Variants in C1QTNF7 observed in about 807,000 individuals in gnomAD.
C1QTNF7 encodes C1q and TNF related 7.
C1QTNF7 carries 15 observed loss-of-function variants against 19.6 expected under a neutral mutation model. The ratio of observed to expected loss-of-function variants is 0.76; its 90% confidence interval spans 0.51 to 1.18. C1QTNF7 has a LOEUF of 1.18. Ranked by LOEUF, C1QTNF7 falls within the 50% of genes most tolerant of loss-of-function variation. C1QTNF7 has a pLI of 0.00. For synonymous variants in C1QTNF7, 142 were observed against 137.5 expected (o/e 1.03, Z -0.23); for missense variants, 324 against 359.7 (o/e 0.90, Z 0.80).
At chr4:15,373,078 C>T (rs1419330597) in intron 1 of C1QTNF7, among the ~76,000 whole-genome samples, 1 of 152,128 alleles carries the variant, frequency 6.6e-6, no homozygotes, top group Admixed American at 6.5e-5. Context: ...AACAAAATAC[C>T]ACAGACTAAG....
intron 1 of C1QTNF7, among the ~76,000 whole-genome samples, chr4:15,432,682 A>G (rs1209443298): frequency 2.0e-5 from 3 of 152,238 alleles, no homozygotes; most frequent in Admixed American, 2.0e-4. Context: ...GGCGTGAGCC[A>G]TCGTGCCCAG....
intron 1 of C1QTNF7, among the ~76,000 whole-genome samples, chr4:15,415,826 G>T (rs1322037750): frequency 6.6e-6 from 1 of 151,980 alleles, no homozygotes; most frequent in Non-Finnish European, 1.5e-5. Context: ...TTTCCCTTAA[G>T]CAATATGATA....
chr4:15,350,227 G>A (rs1157366280), intron 1 of C1QTNF7, among the ~76,000 whole-genome samples: 1 of 131,022 alleles, frequency 7.6e-6, no homozygotes, highest in Non-Finnish European at 1.6e-5. Context: ...GGGAAGGAAG[G>A]AGGAAAGAAG....
intron 1 of C1QTNF7, among the ~76,000 whole-genome samples, chr4:15,365,454 A>G (rs2109302168): frequency 6.6e-6 from 1 of 152,320 alleles, no homozygotes; most frequent in South Asian, 2.1e-4. Flanking sequence ...AAAGAAGTTG[A>G]ATATTGGTGA....
At chr4:15,402,329 A>T (rs915997271) in intron 1 of C1QTNF7, among the ~76,000 whole-genome samples, 1 of 152,234 alleles carries the variant, frequency 6.6e-6, no homozygotes, top group Non-Finnish European at 1.5e-5. Context: ...ACATGTAAGA[A>T]TTCAAGGACT....
chr4:15,433,502 A>C (rs376915521), intron 1 of C1QTNF7, among the ~76,000 whole-genome samples: 2 of 152,316 alleles, frequency 1.3e-5, no homozygotes, highest in Admixed American at 6.5e-5. Context: ...TTAATAACTT[A>C]AGTGATTAGG....
intron 1 of C1QTNF7, among the ~76,000 whole-genome samples, chr4:15,376,639 G>A (rs963738824): frequency 1.3e-5 from 2 of 152,198 alleles, no homozygotes; most frequent in South Asian, 4.1e-4. Context: ...AATTACACAG[G>A]TAATGATGGC....
At chr4:15,421,768 G>T (rs1316172398) in intron 1 of C1QTNF7, among the ~76,000 whole-genome samples, 1 of 152,076 alleles carries the variant, frequency 6.6e-6, no homozygotes, top group African/African-American at 2.4e-5. Context: ...TAAGTGGTCA[G>T]GACTCACTGT....
chr4:15,427,448 T>C (rs1359796200), upstream of C1QTNF7, among the ~76,000 whole-genome samples: 1 of 152,204 alleles, frequency 6.6e-6, no homozygotes, highest in East Asian at 1.9e-4. Flanking sequence ...CAAAGACATA[T>C]TAGTTTTCTA....
intron 1 of C1QTNF7, among the ~76,000 whole-genome samples, chr4:15,348,092 C>T (rs1236641372): frequency 1.3e-5 from 2 of 152,048 alleles, no homozygotes; most frequent in East Asian, 1.9e-4. Context: ...TTTAGGAGCC[C>T]GATGTATTTG....
intron 1 of C1QTNF7, among the ~76,000 whole-genome samples, chr4:15,342,620 G>A (rs1374602252): frequency 6.6e-6 from 1 of 152,192 alleles, no homozygotes; most frequent in African/African-American, 2.4e-5. Flanking sequence ...TCACGAAAGA[G>A]CCAAGAGGGC....
intron 2 of C1QTNF7, among the ~76,000 whole-genome samples, chr4:15,437,088 G>A (rs1020708565): frequency 6.6e-6 from 1 of 152,138 alleles, no homozygotes; most frequent in African/African-American, 2.4e-5. Flanking sequence ...GACATCCATA[G>A]GGTAACACCT....
chr4:15,436,057 T>C lies in C1QTNF7; in HGVS notation c.238+76T>C, dbSNP rs1332932315. ...ACTGTTCCCCTTTCTTTGTTACTTT[T>C]TCTAATGGGAATTGCTCCTTAAACC... On this transcript the variant is annotated intron_variant, in intron 2 of 2. Coordinates refer to ENST00000444304, the MANE Select transcript of C1QTNF7 (RefSeq NM_031911.5). The C allele has an allele frequency of 3.9e-6, 6 of 1,535,046 alleles. No individual in the cohort carries two copies. In the African/African-American group the frequency reaches 4.2e-5, roughly 11 times the overall value.
At chr4:15,425,531 G>A (rs1181765014), upstream of C1QTNF7, among the ~76,000 whole-genome samples, 1 of 152,144 alleles carries the variant, frequency 6.6e-6, no homozygotes, top group Non-Finnish European at 1.5e-5. Context: ...AGAACCCAGG[G>A]CACCCATGGA....
intron 1 of C1QTNF7, among the ~76,000 whole-genome samples, chr4:15,422,210 T>TAAAAAA (rs199592000): frequency 0.21 from 29,549 of 142,422 alleles, 3,639 homozygotes; most frequent in East Asian, 0.34. Flanking sequence ...TGTTTTTTTT[T>TAAAAAA]AAAAAAAAAA....
intron 1 of C1QTNF7, among the ~76,000 whole-genome samples, chr4:15,398,895 T>C (rs1718884014): frequency 6.6e-6 from 1 of 152,220 alleles, no homozygotes; most frequent in South Asian, 2.1e-4. Flanking sequence ...TGGGGCTTTA[T>C]AAGCTGGTGT....
intron 2 of C1QTNF7, 42 bp downstream of exon 2, chr4:15,436,023 C>G (rs778897038): frequency 1.3e-6 from 2 of 1,574,086 alleles, no homozygotes; most frequent in Non-Finnish European, 1.7e-6. Flanking sequence ...CCTTCACCCC[C>G]ACCTTAAAAC....
intron 1 of C1QTNF7, among the ~76,000 whole-genome samples, chr4:15,405,833 G>A (rs911066339): frequency 1.1e-4 from 16 of 152,104 alleles, no homozygotes; most frequent in African/African-American, 3.6e-4. Context: ...CAACCCCTCT[G>A]GCTTCACCTC....
chr4:15,398,802 G>C (rs1278271060), intron 1 of C1QTNF7, among the ~76,000 whole-genome samples: 37 of 152,212 alleles, frequency 2.4e-4, no homozygotes, highest in Admixed American at 2.4e-3. Context: ...CATTAGAGCA[G>C]GAATGAAAGG....
Sources: allele counts gnomAD v4.1 joint callset (sites outside exome capture counted in the v4.1 genomes callset), GRCh38; gene constraint gnomAD v4.1.1; transcripts MANE v1.5; gene names NCBI Gene and HGNC (gene_info 2026-07-23, HGNC 2026-07-21).